CACNA2D1: variants seen among roughly 807,000 people sequenced by gnomAD.
CACNA2D1 encodes the protein voltage-dependent calcium channel subunit alpha-2/delta-1.
Under a neutral mutation model 171.5 loss-of-function variants are expected in CACNA2D1, and 53 were observed. That is an observed-to-expected ratio of 0.31 (90% confidence interval 0.25 to 0.39). The LOEUF is 0.39. Ranked by LOEUF, CACNA2D1 falls within the 10% of genes least tolerant of loss-of-function variation. The pLI is 1.00. For synonymous variants in CACNA2D1, 442 were observed against 443.1 expected, an observed-to-expected ratio of 1.00 and a Z score of 0.03; for missense variants, 903 against 1,299.8, an observed-to-expected ratio of 0.69 and a Z score of 4.69.
intron 3 of CACNA2D1, among the ~76,000 whole-genome samples, chr7:82,195,571 T>C (rs1444337600): frequency 6.6e-6 from 1 of 151,894 alleles, no homozygotes; most frequent in Non-Finnish European, 1.5e-5. Context: ...ATAAATTGCC[T>C]TTCTTCTTTG....
chr7:82,335,138 CA>C lies in CACNA2D1; in HGVS notation c.290del (p.Leu97ArgfsTer49). The C allele has an allele frequency of 6.3e-7, 1 of 1,576,924 alleles. No individual in the cohort carries two copies. The highest frequency in any genetic ancestry group is 8.7e-7 in the Non-Finnish European group (1 of 1,146,330). The part of the protein sequence containing the change: ...EKLLSNRSKA[L>X]VRLALEAEKV... Reference sequence around the variant, plus strand: ...AGCAGATCCAATTTAAACTCACCACCAGGGCTTTAGATCTGTTGCTCAGAAG... The same window carrying C: ...AGCAGATCCAATTTAAACTCACCACCGGGCTTTAGATCTGTTGCTCAGAAG... On this transcript the variant is annotated frameshift_variant, in exon 3 of 39. Transcript: ENST00000356860. LOFTEE classifies it high-confidence loss of function.
At chr7:82,006,494 G>T (rs181946082) in intron 16 of CACNA2D1, among the ~76,000 whole-genome samples, 1 of 151,546 alleles carries the variant, frequency 6.6e-6, no homozygotes, top group African/African-American at 2.4e-5. Flanking sequence ...TAAAATTTTG[G>T]GTCCAAAATT....
chr7:82,081,342 T>G (rs1809743412), intron 7 of CACNA2D1, among the ~76,000 whole-genome samples: 3 of 152,166 alleles, frequency 2.0e-5, no homozygotes, highest in Non-Finnish European at 2.9e-5. Context: ...GTTTTTGTGT[T>G]AAAAACACAG....
At chr7:82,252,761 G>A (rs1474998502) in intron 3 of CACNA2D1, among the ~76,000 whole-genome samples, 5 of 152,010 alleles carry the variant, frequency 3.3e-5, no homozygotes, top group Non-Finnish European at 5.9e-5. Context: ...GTGGTGGTGC[G>A]TGCCTGTAGT....
At chr7:82,050,502 G>A (rs1454957084) in intron 10 of CACNA2D1, 1 of 688,616 alleles carries the variant, frequency 1.5e-6, no homozygotes, top group Non-Finnish European at 2.6e-6. Context: ...CCCAAGATGA[G>A]GAAGTCCCTG....
In CACNA2D1 at chr7:82,443,593, C is replaced by T; in HGVS notation, c.-134G>A. On this transcript the variant is annotated 5_prime_UTR_variant, in exon 1 of 39. Coordinates refer to ENST00000356860, the MANE Select transcript of CACNA2D1 (RefSeq NM_000722.4). ...CTGGAGGGCTGGCTGCGCCCGGGGCCCGAGGCGCGGAGCCGCGCGGGGGAC... is the reference window on the plus strand; with the variant it reads ...CTGGAGGGCTGGCTGCGCCCGGGGCTCGAGGCGCGGAGCCGCGCGGGGGAC... The T allele has an allele frequency of 1.4e-6, 2 of 1,418,370 alleles. No homozygotes were observed. The highest frequency in any genetic ancestry group is 1.8e-6 in the Non-Finnish European group (2 of 1,087,922). 87.9% of individuals were successfully genotyped at this position (1,418,370 alleles called of 1,614,324 possible).
intron 1 of CACNA2D1, among the ~76,000 whole-genome samples, chr7:82,368,426 T>C (rs542091905): frequency 1.2e-4 from 19 of 152,326 alleles, no homozygotes; most frequent in Non-Finnish European, 2.2e-4. Flanking sequence ...AATGACACCA[T>C]AGCTGATCTC....
chr7:82,307,791 G>C (rs547608890), intron 3 of CACNA2D1, among the ~76,000 whole-genome samples: 2 of 152,168 alleles, frequency 1.3e-5, no homozygotes, highest in East Asian at 3.9e-4. Context: ...TTTTGATTCT[G>C]AGTCACTTGG....
intron 4 of CACNA2D1, among the ~76,000 whole-genome samples, chr7:82,155,182 G>C (rs189886273): frequency 1.3e-5 from 2 of 152,230 alleles, no homozygotes; most frequent in East Asian, 1.9e-4. Flanking sequence ...TATGCTTGCT[G>C]TACAGCCTAT....
chr7:82,090,594 C>T (rs568126292), intron 6 of CACNA2D1, among the ~76,000 whole-genome samples: 1 of 151,972 alleles, frequency 6.6e-6, no homozygotes, highest in African/African-American at 2.4e-5. Flanking sequence ...ATATTTAAGA[C>T]AGTATATTTA....
chr7:82,148,038 T>C (rs942976672), intron 4 of CACNA2D1, among the ~76,000 whole-genome samples: 2 of 152,156 alleles, frequency 1.3e-5, no homozygotes, highest in African/African-American at 2.4e-5. Flanking sequence ...AATATTAATA[T>C]GTATACAAAC....
chr7:82,299,212 C>A (rs1415404130), intron 3 of CACNA2D1, among the ~76,000 whole-genome samples: 1 of 151,878 alleles, frequency 6.6e-6, no homozygotes, highest in Non-Finnish European at 1.5e-5. Context: ...TGATCATATA[C>A]CAAATTATTC....
At chr7:82,443,826 A>AGGCGGAGGCGGG (rs1457627980), upstream of CACNA2D1, 5 of 468,316 alleles carry the variant, frequency 1.1e-5, no homozygotes, top group Admixed American at 1.2e-4. Context: ...GCCGAGGCGA[A>AGGCGGAGGCGGG]GGCGGAGGCG....
At chr7:82,269,557 T>C (rs986894502) in intron 3 of CACNA2D1, among the ~76,000 whole-genome samples, 1 of 152,234 alleles carries the variant, frequency 6.6e-6, no homozygotes, top group Non-Finnish European at 1.5e-5. Flanking sequence ...TTATCATCTA[T>C]ATGCTTCCAT....
rs917147088 is a variant in CACNA2D1, at chr7:82,326,425, A to T, written c.294+8710T>A. ...GTTTGAATTCTTTGCCAGCTGTGTA[A>T]GCTTGGGCAAATTATTGAACTTCTC... On this transcript the variant is annotated intron_variant, in intron 3 of 38. Coordinates refer to ENST00000356860, the MANE Select transcript of CACNA2D1 (RefSeq NM_000722.4). Among the ~76,000 whole-genome samples, 4 of 152,164 alleles carry T rather than the reference A, an allele frequency of 2.6e-5. No homozygotes were observed. In the South Asian group the frequency reaches 8.3e-4, roughly 32 times the overall value.
intron 1 of CACNA2D1, among the ~76,000 whole-genome samples, chr7:82,395,745 C>A (rs1825689183): frequency 6.6e-6 from 1 of 151,998 alleles, no homozygotes; most frequent in South Asian, 2.1e-4. Flanking sequence ...AGACCATGGT[C>A]AATGTTTAGT....
At chr7:82,069,716 T>TC (rs1300802139) in intron 7 of CACNA2D1, among the ~76,000 whole-genome samples, 1 of 46,858 alleles carries the variant, frequency 2.1e-5, no homozygotes, top group Non-Finnish European at 3.6e-5. Context: ...AGTACCCCTT[T>TC]TTTTTTTATT....
At chr7:81,957,479 C>G (rs532644961) in intron 38 of CACNA2D1, among the ~76,000 whole-genome samples, 1 of 152,100 alleles carries the variant, frequency 6.6e-6, no homozygotes, top group African/African-American at 2.4e-5. Context: ...CACATGAAAA[C>G]TTGCAGTAAA....
intron 3 of CACNA2D1, among the ~76,000 whole-genome samples, chr7:82,202,677 C>T (rs1218451063): frequency 1.3e-5 from 2 of 150,642 alleles, no homozygotes; most frequent in African/African-American, 4.9e-5. Flanking sequence ...CTGGTGGGCA[C>T]CTGGAGGCCT....
Sources: allele counts gnomAD v4.1 joint callset (sites outside exome capture counted in the v4.1 genomes callset), GRCh38; gene constraint gnomAD v4.1.1; transcripts MANE v1.5; gene names NCBI Gene and HGNC (gene_info 2026-07-23, HGNC 2026-07-21).